IPCEF1: variants seen among roughly 807,000 people sequenced by gnomAD.
IPCEF1 encodes interaction protein for cytohesin exchange factors 1.
A neutral mutation model predicts 50.9 loss-of-function variants in IPCEF1; 31 were observed. That is an observed-to-expected ratio of 0.61 (90% CI 0.46 to 0.82). IPCEF1 has a LOEUF of 0.82. IPCEF1 is among the 40% of genes least tolerant of loss of function. IPCEF1 has a pLI of 0.00. For missense variants in IPCEF1, 458 were observed against 514.0 expected (o/e 0.89, Z 1.05); for synonymous variants, 181 against 192.0 (o/e 0.94, Z 0.47).
At chr6:154,204,369 T>TAAACA (rs1283314760) in intron 9 of IPCEF1, among the ~76,000 whole-genome samples, 2 of 152,184 alleles carry the variant, frequency 1.3e-5, no homozygotes, top group African/African-American at 2.4e-5. Flanking sequence ...CAAAAAAGTC[T>TAAACA]AAACAAAACA....
At chr6:154,178,864 G>A (rs1256749713) in intron 10 of IPCEF1, among the ~76,000 whole-genome samples, 1 of 152,196 alleles carries the variant, frequency 6.6e-6, no homozygotes. Flanking sequence ...CTGAAAGACT[G>A]TGTGTCTGAC....
At chr6:154,297,292 A>C (rs1379916738) in intron 1 of IPCEF1, among the ~76,000 whole-genome samples, 2 of 152,070 alleles carry the variant, frequency 1.3e-5, no homozygotes, top group Non-Finnish European at 2.9e-5. Flanking sequence ...CACCCACCTC[A>C]GCCTCCCAAA....
chr6:154,333,473 T>C (rs1783716862), intron 1 of IPCEF1, among the ~76,000 whole-genome samples: 1 of 151,950 alleles, frequency 6.6e-6, no homozygotes, highest in African/African-American at 2.4e-5. Context: ...AAACTGGCTC[T>C]CCTAGCTCCT....
chr6:154,232,484 T>C (rs1414376297), intron 5 of IPCEF1, among the ~76,000 whole-genome samples: 1 of 152,160 alleles, frequency 6.6e-6, no homozygotes, highest in Non-Finnish European at 1.5e-5. Context: ...AACACCAAGC[T>C]AGCCTGGTAT....
rs1218757474 is a variant in IPCEF1 at position 154,168,118 on chromosome 6, T to G, written c.911-5A>C. 1 of 1,524,502 alleles carries G rather than the reference T, an allele frequency of 6.6e-7. No individual in the cohort carries two copies. Among genetic ancestry groups the G allele is most frequent in the South Asian group, 1.3e-5 (1 of 77,668 alleles). 94.4% of individuals were successfully genotyped at this position (1,524,502 alleles called of 1,614,324 possible). On this transcript the variant is annotated splice_region_variant and splice_polypyrimidine_tract_variant and intron_variant, in intron 10 of 11. Transcript: ENST00000367220. The surrounding 1 kb of genome is among the most constrained non-coding windows in gnomAD (Gnocchi z 4.1). ...CTTCAGACACTTTTGTCTCTTCTATTTGAAAAAAAAAAAGAAAGCAGTAAC... is the reference window on the plus strand; with the variant it reads ...CTTCAGACACTTTTGTCTCTTCTATGTGAAAAAAAAAAAGAAAGCAGTAAC...
At chr6:154,344,093 C>T (rs1404284339) in intron 1 of IPCEF1, among the ~76,000 whole-genome samples, 2 of 152,216 alleles carry the variant, frequency 1.3e-5, no homozygotes, top group Non-Finnish European at 2.9e-5. Flanking sequence ...CTAGCCTCCT[C>T]ATAAAACTGG....
intron 1 of IPCEF1, among the ~76,000 whole-genome samples, chr6:154,296,204 C>T (rs1782653746): frequency 1.3e-5 from 2 of 152,120 alleles, no homozygotes; most frequent in African/African-American, 4.8e-5. Flanking sequence ...AAGCAGATTC[C>T]AAGGGGTGCT....
intron 3 of IPCEF1, among the ~76,000 whole-genome samples, chr6:154,262,618 C>T (rs1781628898): frequency 6.6e-6 from 1 of 152,126 alleles, no homozygotes; most frequent in Non-Finnish European, 1.5e-5. Context: ...AGATGAACTT[C>T]CTCCAGTTGG....
At chr6:154,268,094 C>A (rs1583925821) in intron 2 of IPCEF1, among the ~76,000 whole-genome samples, 2 of 152,364 alleles carry the variant, frequency 1.3e-5, no homozygotes, top group Middle Eastern at 6.8e-3. Context: ...GACCTGCCCC[C>A]TTCCGCCCTG....
At chr6:154,296,122 G>C (rs1329655128) in intron 1 of IPCEF1, among the ~76,000 whole-genome samples, 2 of 152,190 alleles carry the variant, frequency 1.3e-5, no homozygotes, top group Non-Finnish European at 2.9e-5. Flanking sequence ...ATTTCATGAG[G>C]ATAAAGGAAG....
chr6:154,282,512 C>T (rs775311837), intron 2 of IPCEF1, among the ~76,000 whole-genome samples: 3 of 152,054 alleles, frequency 2.0e-5, no homozygotes, highest in African/African-American at 7.2e-5. Flanking sequence ...GAAACCCTAT[C>T]TCTACTAAAA....
chr6:154,172,667 G>C (rs143050149), intron 10 of IPCEF1, among the ~76,000 whole-genome samples: 386 of 152,358 alleles, frequency 2.5e-3, no homozygotes, highest in Non-Finnish European at 4.5e-3. Flanking sequence ...AGCTCGAACT[G>C]GGCGGAGCCC....
At chr6:154,248,870 A>G (rs1213942889) in intron 3 of IPCEF1, among the ~76,000 whole-genome samples, 3 of 152,090 alleles carry the variant, frequency 2.0e-5, no homozygotes, top group Non-Finnish European at 2.9e-5. Flanking sequence ...GTAATATAAT[A>G]TTATATCGTT....
At chr6:154,349,685 A>C (rs1784090871) in intron 1 of IPCEF1, among the ~76,000 whole-genome samples, 1 of 152,164 alleles carries the variant, frequency 6.6e-6, no homozygotes, top group Non-Finnish European at 1.5e-5. Flanking sequence ...TCAGTGCATA[A>C]AACTCTGAAG....
At chr6:154,213,274 G>A in intron 8 of IPCEF1, 1 of 190,564 alleles carries the variant, frequency 5.2e-6, no homozygotes, top group Non-Finnish European at 1.1e-5. Flanking sequence ...GAGGGAGCAG[G>A]CTGGGCCAAG....
intron 2 of IPCEF1, among the ~76,000 whole-genome samples, chr6:154,268,638 G>T (rs1016280582): frequency 6.6e-6 from 1 of 152,022 alleles, no homozygotes; most frequent in African/African-American, 2.4e-5. Flanking sequence ...TTTAAATAAA[G>T]ATCAAAATTG....
chr6:154,280,841 T>C (rs1204973174), intron 2 of IPCEF1, among the ~76,000 whole-genome samples: 1 of 152,240 alleles, frequency 6.6e-6, no homozygotes, highest in Non-Finnish European at 1.5e-5. Context: ...ATCATCTAGC[T>C]ATTCCATTTT....
chr6:154,266,079 A>G, intron 2 of IPCEF1, 115 bp from the exon 3 acceptor site: 1 of 659,434 alleles, frequency 1.5e-6, no homozygotes. Context: ...ATTTTACAAT[A>G]AAAGTAATTC....
chr6:154,354,121 A>G (rs1309559895), intron 1 of IPCEF1, among the ~76,000 whole-genome samples: 1 of 152,220 alleles, frequency 6.6e-6, no homozygotes, highest in Non-Finnish European at 1.5e-5. Context: ...CAAAAAGTCA[A>G]TATGTTATAG....
Sources: allele counts gnomAD v4.1 joint callset (sites outside exome capture counted in the v4.1 genomes callset), GRCh38; gene constraint gnomAD v4.1.1; non-coding constraint Gnocchi (gnomAD v3.1); transcripts MANE v1.5; gene names NCBI Gene and HGNC (gene_info 2026-07-23, HGNC 2026-07-21).